The following NREP variants were observed in gnomAD, a reference collection of about 807,000 sequenced individuals.
The protein encoded by NREP is neuronal regeneration-related protein.
A neutral mutation model predicts 8.6 loss-of-function variants in NREP; 5 were observed. The ratio of observed to expected loss-of-function variants is 0.58; its 90% CI spans 0.30 to 1.22. NREP has a LOEUF of 1.22. Among genes scored for constraint, NREP ranks in the 50% most tolerant of loss-of-function variants. The probability of loss-of-function intolerance (pLI) is 0.07; values close to 1 mark genes in which losing one functional copy is unlikely to be tolerated. For synonymous variants in NREP, 27 were observed against 28.0 expected, an observed-to-expected ratio of 0.96 and a Z score of 0.11; for missense variants, 86 against 82.5, an observed-to-expected ratio of 1.04 and a Z score of -0.17.
chr5:111,892,521 G>A (rs1352029020), intron 2 of NREP, among the ~76,000 whole-genome samples: 1 of 151,786 alleles, frequency 6.6e-6, no homozygotes, highest in East Asian at 1.9e-4. Flanking sequence ...TTTTCATTAT[G>A]TTTATATGTT....
At chr5:111,846,580 T>G (rs1011322739) in intron 2 of NREP, 1 of 152,060 alleles carries the variant, frequency 6.6e-6, no homozygotes, top group African/African-American at 2.4e-5. Context: ...TTGAGCATCT[T>G]GGTAGCAAGG....
intron 2 of NREP, among the ~76,000 whole-genome samples, chr5:111,917,692 A>T (rs1460030231): frequency 6.6e-6 from 1 of 152,212 alleles, no homozygotes; most frequent in East Asian, 1.9e-4. Context: ...TAAACTAAGT[A>T]CTGATGGAAC....
intron 2 of NREP, among the ~76,000 whole-genome samples, chr5:111,853,239 G>A (rs928235577): frequency 8.6e-5 from 13 of 152,046 alleles, no homozygotes; most frequent in Non-Finnish European, 1.8e-4. Flanking sequence ...TAGGAGGTAG[G>A]GAAGCAGGGA....
At chr5:111,944,945 C>A (rs941352883) in intron 2 of NREP, among the ~76,000 whole-genome samples, 1 of 152,058 alleles carries the variant, frequency 6.6e-6, no homozygotes, top group Non-Finnish European at 1.5e-5. Flanking sequence ...ATCATCTTCA[C>A]CTCTCCTTTA....
chr5:111,874,549 C>A (rs1252516247), intron 2 of NREP, among the ~76,000 whole-genome samples: 1 of 152,022 alleles, frequency 6.6e-6, no homozygotes, highest in Non-Finnish European at 1.5e-5. Flanking sequence ...TCTAGATTGG[C>A]TTGTTGGGAC....
intron 2 of NREP, among the ~76,000 whole-genome samples, chr5:111,908,878 A>C (rs908250415): frequency 6.6e-6 from 1 of 151,884 alleles, no homozygotes; most frequent in Non-Finnish European, 1.5e-5. Context: ...CTGCAGCCTC[A>C]ACAGCATCCG....
At chr5:111,864,714 AAG>A (rs1339249971) in intron 2 of NREP, among the ~76,000 whole-genome samples, 1 of 152,138 alleles carries the variant, frequency 6.6e-6, no homozygotes, top group Admixed American at 6.6e-5. Flanking sequence ...ATCAGGAAAA[AAG>A]AGAAGAATGA....
At chr5:111,789,644 T>C (rs1396772477) in intron 2 of NREP, among the ~76,000 whole-genome samples, 1 of 152,182 alleles carries the variant, frequency 6.6e-6, no homozygotes, top group East Asian at 1.9e-4. Flanking sequence ...TAGACCCCCA[T>C]GGTTGCTCTC....
At chr5:111,863,290 G>A (rs1020357393) in intron 2 of NREP, among the ~76,000 whole-genome samples, 7 of 152,044 alleles carry the variant, frequency 4.6e-5, no homozygotes, top group Non-Finnish European at 1.0e-4. Flanking sequence ...CTCTCTTTGG[G>A]TGGTCTTCCA....
At chr5:111,756,509 G>C (rs996360614) in intron 1 of NREP, among the ~76,000 whole-genome samples, 1 of 151,814 alleles carries the variant, frequency 6.6e-6, no homozygotes, top group African/African-American at 2.4e-5. Flanking sequence ...TCTCAAAAAG[G>C]GTATCATTCG....
intron 2 of NREP, among the ~76,000 whole-genome samples, chr5:111,939,766 A>G (rs1269928944): frequency 1.3e-5 from 2 of 152,014 alleles, no homozygotes; most frequent in African/African-American, 4.8e-5. Context: ...AACTCTATCT[A>G]GTGTTCCTGA....
intron 2 of NREP, among the ~76,000 whole-genome samples, chr5:111,948,389 A>C (rs545702155): frequency 1.4e-4 from 22 of 152,152 alleles, no homozygotes; most frequent in African/African-American, 5.3e-4. Flanking sequence ...CATGCAAACT[A>C]TATGCCTCAT....
chr5:111,823,601 T>G (rs1168509619), intron 2 of NREP, among the ~76,000 whole-genome samples: 1 of 152,188 alleles, frequency 6.6e-6, no homozygotes, highest in Admixed American at 6.5e-5. Flanking sequence ...AATAGACAAG[T>G]ATAAAAATAT....
chr5:111,930,204 G>C (rs1339709096), intron 2 of NREP, among the ~76,000 whole-genome samples: 1 of 152,024 alleles, frequency 6.6e-6, no homozygotes, highest in East Asian at 1.9e-4. Flanking sequence ...GAAGGGGAGA[G>C]GTGAAACAGA....
At chr5:111,753,707 G>A (rs750346834) in intron 2 of NREP, among the ~76,000 whole-genome samples, 1 of 152,070 alleles carries the variant, frequency 6.6e-6, no homozygotes, top group Non-Finnish European at 1.5e-5. Context: ...AGGTGTCCAG[G>A]AGACAAATCT....
intron 2 of NREP, among the ~76,000 whole-genome samples, chr5:111,835,351 A>G (rs1187960319): frequency 6.6e-6 from 1 of 152,162 alleles, no homozygotes; most frequent in Non-Finnish European, 1.5e-5. Context: ...AGGAATAGTA[A>G]TAGTATTAAT....
chr5:111,967,181 A>G (rs1363573924), intron 2 of NREP, among the ~76,000 whole-genome samples: 3 of 152,184 alleles, frequency 2.0e-5, no homozygotes, highest in Non-Finnish European at 4.4e-5. Flanking sequence ...CTAGATTGAG[A>G]AACCCTGACC....
chr5:111,853,852 T>C (rs1753364468), intron 2 of NREP, among the ~76,000 whole-genome samples: 1 of 152,110 alleles, frequency 6.6e-6, no homozygotes, highest in African/African-American at 2.4e-5. Flanking sequence ...GCATCTGAGG[T>C]CTGAACTGCA....
At position 111,975,273 on chromosome 5, in the gene NREP, C is replaced by A; in HGVS notation, c.135+1G>T. 6.5e-7 allele frequency: 1 copy of A among 1,548,878 alleles called. No individual in the cohort carries two copies. The highest frequency in any genetic ancestry group is 8.7e-7 in the Non-Finnish European group (1 of 1,144,434). On this transcript the variant is annotated splice_donor_variant, in intron 2 of 3. Coordinates refer to the NREP transcript ENST00000395634. LOFTEE classifies it high-confidence loss of function. The stretch of plus-strand genomic sequence containing the variant: ...CAAATCAGGATAGCAGTTTGTCTTA[C>A]ACAATTCAGAACAGAAATCTGGCAG...
Sources: allele counts gnomAD v4.1 joint callset (sites outside exome capture counted in the v4.1 genomes callset), GRCh38; gene constraint gnomAD v4.1.1; transcripts MANE v1.5; gene names NCBI Gene and HGNC (gene_info 2026-07-23, HGNC 2026-07-21).